SND1: variants seen among roughly 807,000 people sequenced by gnomAD.
SND1 encodes the protein staphylococcal nuclease domain-containing protein 1.
Under a neutral mutation model 121.7 loss-of-function variants are expected in SND1, and 38 were observed. The ratio of observed to expected loss-of-function variants is 0.31; its 90% CI spans 0.24 to 0.41. The LOEUF is 0.41. SND1 is among the 10% of genes least tolerant of loss of function. SND1 has a pLI of 1.00. For synonymous variants in SND1, 401 were observed against 447.4 expected (o/e 0.90, Z 1.31); for missense variants, 868 against 1,184.6 (o/e 0.73, Z 3.92).
At chr7:128,072,597 T>G (rs1404398508) in intron 16 of SND1, among the ~76,000 whole-genome samples, 1 of 152,172 alleles carries the variant, frequency 6.6e-6, no homozygotes, top group Non-Finnish European at 1.5e-5. Flanking sequence ...CTTGGCAAGT[T>G]AAGATGAGCA....
chr7:127,741,227 A>T (rs1439731179), intron 10 of SND1, among the ~76,000 whole-genome samples: 2 of 152,228 alleles, frequency 1.3e-5, no homozygotes, highest in Non-Finnish European at 2.9e-5. Context: ...CCTGTAACAT[A>T]ATCAGGATAC....
chr7:128,069,370 C>G (rs1793369802), intron 16 of SND1, among the ~76,000 whole-genome samples: 1 of 152,120 alleles, frequency 6.6e-6, no homozygotes, highest in African/African-American at 2.4e-5. Context: ...GTTTTGTTAC[C>G]TCATTCAGTG....
chr7:127,894,537 C>G (rs1410372939), intron 13 of SND1, among the ~76,000 whole-genome samples: 1 of 152,060 alleles, frequency 6.6e-6, no homozygotes. Context: ...TTTTAGGACT[C>G]TGAAATGGAA....
At chr7:127,700,781 C>A (rs1242841794) in intron 4 of SND1, among the ~76,000 whole-genome samples, 2 of 152,126 alleles carry the variant, frequency 1.3e-5, no homozygotes, top group Admixed American at 6.5e-5. Context: ...TAGTCGGCTT[C>A]TCTGCACTAC....
At chr7:127,887,856 C>A in intron 12 of SND1, 46 bp from the exon 13 acceptor site, 1 of 1,245,926 alleles carries the variant, frequency 8.0e-7, no homozygotes, top group Non-Finnish European at 1.2e-6. Context: ...TTGACTGAGC[C>A]CCATATGCAC....
intron 20 of SND1, 50 bp from the exon 21 acceptor site, chr7:128,086,888 G>A (rs1420789302): frequency 7.0e-7 from 1 of 1,437,172 alleles, no homozygotes; most frequent in South Asian, 1.1e-5. Context: ...CTGTGAGAGA[G>A]CAAGGGGGCA....
chr7:127,764,818 A>T lies in SND1; in HGVS notation c.1153-42666A>T, dbSNP rs955381668. Reference sequence around the variant, plus strand: ...AACCTTTTCTAATGGGCCCCTGGGAAATGTCTTAGCTAAATTGCAACAGTG... The same window carrying T: ...AACCTTTTCTAATGGGCCCCTGGGATATGTCTTAGCTAAATTGCAACAGTG... On this transcript the variant is annotated intron_variant, in intron 10 of 23. Coordinates refer to ENST00000354725, the MANE Select transcript of SND1 (RefSeq NM_014390.4). Among the ~76,000 whole-genome samples, 2 of 152,278 alleles carry T rather than the reference A, an allele frequency of 1.3e-5. 1 individual carries two copies. The highest frequency in any genetic ancestry group is 4.1e-4 in the South Asian group (2 of 4,826).
At chr7:128,072,468 C>T (rs540469304) in intron 16 of SND1, among the ~76,000 whole-genome samples, 1 of 152,314 alleles carries the variant, frequency 6.6e-6, no homozygotes, top group Non-Finnish European at 1.5e-5. Flanking sequence ...TTTGCTTTTG[C>T]CCAGACATGT....
intron 12 of SND1, among the ~76,000 whole-genome samples, chr7:127,863,662 C>A (rs1261015699): frequency 6.6e-6 from 1 of 152,148 alleles, no homozygotes. Context: ...ATTACAAGCA[C>A]CATGGAAAGT....
chr7:127,687,365 C>A (rs902803116), intron 2 of SND1, among the ~76,000 whole-genome samples: 8 of 152,070 alleles, frequency 5.3e-5, no homozygotes, highest in African/African-American at 1.9e-4. Flanking sequence ...GTTTGTTACA[C>A]GGGTATATTG....
intron 16 of SND1, among the ~76,000 whole-genome samples, chr7:128,071,812 CAG>C (rs1276106601): frequency 6.6e-6 from 1 of 152,208 alleles, no homozygotes; most frequent in East Asian, 1.9e-4. Flanking sequence ...TAAAAGGGAA[CAG>C]AGCCCCATGG....
intron 16 of SND1, among the ~76,000 whole-genome samples, chr7:128,057,086 G>A (rs1469318182): frequency 2.0e-5 from 3 of 152,176 alleles, no homozygotes; most frequent in Non-Finnish European, 4.4e-5. Flanking sequence ...ACTCAGAACG[G>A]CACACAGTTT....
chr7:127,714,315 C>T (rs374722322), intron 9 of SND1, among the ~76,000 whole-genome samples: 14 of 152,190 alleles, frequency 9.2e-5, no homozygotes, highest in African/African-American at 3.4e-4. Flanking sequence ...CATTGGTGGC[C>T]AAGTCCAGTT....
chr7:127,673,470 C>A (rs1795561605), intron 1 of SND1, among the ~76,000 whole-genome samples: 1 of 152,050 alleles, frequency 6.6e-6, no homozygotes, highest in African/African-American at 2.4e-5. Flanking sequence ...TGTCACCATG[C>A]CCAGCTAATT....
intron 13 of SND1, chr7:127,904,367 T>C (rs1800291846): frequency 6.4e-6 from 1 of 157,358 alleles, no homozygotes; most frequent in African/African-American, 2.4e-5. Context: ...ATTTAAAATG[T>C]TTCATGTGAT....
chr7:127,841,220 A>G (rs982438100), intron 11 of SND1, among the ~76,000 whole-genome samples: 3 of 152,080 alleles, frequency 2.0e-5, no homozygotes, highest in Admixed American at 6.6e-5. Flanking sequence ...CCTACTGAGA[A>G]GGAGATTTGG....
intron 12 of SND1, among the ~76,000 whole-genome samples, chr7:127,874,663 A>G (rs762111209): frequency 6.6e-5 from 10 of 152,106 alleles, no homozygotes; most frequent in East Asian, 3.9e-4. Context: ...TAGATCTACA[A>G]TAAACATTTC....
chr7:127,851,728 C>T (rs1264515102), intron 12 of SND1, among the ~76,000 whole-genome samples: 1 of 152,134 alleles, frequency 6.6e-6, no homozygotes. Context: ...TAATCTAGCC[C>T]ATTTTATTGA....
chr7:127,888,237 G>T (rs1479129518), intron 13 of SND1, among the ~76,000 whole-genome samples: 1 of 151,982 alleles, frequency 6.6e-6, no homozygotes, highest in Non-Finnish European at 1.5e-5. Context: ...TGTAAAATAG[G>T]TATATATTAG....
Sources: allele counts gnomAD v4.1 joint callset (sites outside exome capture counted in the v4.1 genomes callset), GRCh38; gene constraint gnomAD v4.1.1; transcripts MANE v1.5; gene names NCBI Gene and HGNC (gene_info 2026-07-23, HGNC 2026-07-21).